Variants in YJU2B observed in about 807,000 individuals in gnomAD.
YJU2B encodes the protein YJU2 splicing factor homolog B.
YJU2B carries 18 observed loss-of-function variants against 38.0 expected under a neutral mutation model. The ratio of observed to expected loss-of-function variants is 0.47; its 90% CI spans 0.33 to 0.70. The LOEUF is 0.70. Among genes scored for constraint, YJU2B ranks in the 30% least tolerant of loss-of-function variants. The probability of loss-of-function intolerance (pLI) is 0.02; values close to 1 mark genes in which losing one functional copy is unlikely to be tolerated. For missense variants in YJU2B, 538 were observed against 556.3 expected, an observed-to-expected ratio of 0.97 and a Z score of 0.33; for synonymous variants, 246 against 225.4, an observed-to-expected ratio of 1.09 and a Z score of -0.82.
chr19:13,762,633 C>A lies in YJU2B; in HGVS notation c.756C>A (p.Ser252Arg). 6.5e-7 allele frequency: 1 copy of A among 1,538,386 alleles called. No homozygotes were observed. Among genetic ancestry groups the A allele is most frequent in the Non-Finnish European group, 8.7e-7 (1 of 1,150,936 alleles). ...AACTCAAGCGGACCGAGATCATCAG[C>A]CGCTCCTGGTTCCCCTCTGCCCCCG... ...KQKLKRTEII[S>R]RSWFPSAPGS... The change falls in exon 10 of 10, where the codon AGC becomes AGA. Residue 252 changes from serine (S) to arginine (R), a missense_variant. Ser to Arg is a moderately radical substitution (Grantham distance 110, BLOSUM62 -1). Coordinates refer to ENST00000221554, the MANE Select transcript of YJU2B (RefSeq NM_030818.4).
intron 8 of YJU2B, among the ~76,000 whole-genome samples, chr19:13,760,924 G>C (rs184404491): frequency 1.3e-4 from 20 of 152,174 alleles, no homozygotes; most frequent in Non-Finnish European, 1.9e-4. Flanking sequence ...TCCCACCACT[G>C]TGCATGGCTA....
chr19:13,732,587 A>G (rs1205929469), intron 2 of YJU2B: 1 of 150,790 alleles, frequency 6.6e-6, no homozygotes, highest in Non-Finnish European at 1.5e-5. Context: ...CTTAAAAAAA[A>G]AAAAAAAGTG....
chr19:13,745,738 T>G (rs1382824018), upstream of YJU2B, among the ~76,000 whole-genome samples: 63 of 94,518 alleles, frequency 6.7e-4, no homozygotes, highest in African/African-American at 2.4e-3. Flanking sequence ...TATATATATA[T>G]ATATAGATAT....
At position 13,755,960 on chromosome 19, in the gene YJU2B, A is replaced by G. The variant is rs544618945; in HGVS notation, c.58-237A>G. ...GCAACAAGAGCAAAACTCCATCTCA[A>G]AAAATAAATAAATAAATAAGAGAGG... On this transcript the variant is annotated intron_variant, in intron 3 of 9. Coordinates refer to ENST00000221554, the MANE Select transcript of YJU2B (RefSeq NM_030818.4). Among the ~76,000 whole-genome samples the G allele has an allele frequency of 3.9e-5, 6 of 152,282 alleles. No individual in the cohort carries two copies. In the East Asian group the frequency reaches 1.2e-3, roughly 29 times the overall value.
At position 13,751,753 on chromosome 19, in the gene YJU2B, A is replaced by G. The variant is rs927721730; in HGVS notation, c.-56A>G. ...GGTCAGGACAGTGCAGTGTGTTCAC[A>G]AGGCCAGTTTCTGATCGTCCGCCCC... On this transcript the variant is annotated 5_prime_UTR_variant, in exon 2 of 10. Coordinates refer to ENST00000221554, the MANE Select transcript of YJU2B (RefSeq NM_030818.4). 1.9e-6 allele frequency: 3 copies of G among 1,608,936 alleles called. No homozygotes were observed. The highest frequency in any genetic ancestry group is 8.5e-7 in the Non-Finnish European group (1 of 1,175,386).
intron 2 of YJU2B, among the ~76,000 whole-genome samples, chr19:13,740,562 G>A (rs1417821014): frequency 6.6e-6 from 1 of 151,884 alleles, no homozygotes; most frequent in Non-Finnish European, 1.5e-5. Flanking sequence ...TTATGTGATG[G>A]AGTCTCGCTC....
intron 2 of YJU2B, among the ~76,000 whole-genome samples, 179 bp from the exon 3 acceptor site, chr19:13,754,107 GGTT>G (rs1256351385): frequency 6.6e-6 from 1 of 152,166 alleles, no homozygotes; most frequent in Non-Finnish European, 1.5e-5. Flanking sequence ...GGGAAACGGA[GGTT>G]ACAGTGAGTC....
At chr19:13,747,758 G>A (rs1361397030), upstream of YJU2B, 1 of 152,384 alleles carries the variant, frequency 6.6e-6, no homozygotes, top group Non-Finnish European at 1.5e-5. Flanking sequence ...GCGCGGTTGG[G>A]CGGGGCATTC....
chr19:13,741,151 C>CT (rs71170552), intron 2 of YJU2B, among the ~76,000 whole-genome samples: 1,514 of 100,784 alleles, frequency 0.015, 13 homozygotes, highest in Non-Finnish European at 0.018. Context: ...TTATAGATTT[C>CT]TTTTTTTTTT....
In YJU2B at chr19:13,742,294, C is replaced by CTTT. The variant is rs552865402; in HGVS notation, c.-201-9288_-201-9286dup. Among the ~76,000 whole-genome samples, 85 of 111,976 alleles carry CTTT rather than the reference C, an allele frequency of 7.6e-4. 5 individuals carry two copies. The highest frequency in any genetic ancestry group is 2.9e-3 in the African/African-American group (79 of 27,642). The allele number at this position is 111,976 out of a possible 152,430, so 73.5% of individuals were successfully genotyped here. On this transcript the variant is annotated intron_variant, in intron 2 of 10. Coordinates refer to the YJU2B transcript ENST00000586600. ...CCATCTGGTCCTTCTTTGAGTCCCACTTTTTTTTTTTTTTTTTTTTTTTTT... is the reference window on the plus strand; with the variant it reads ...CCATCTGGTCCTTCTTTGAGTCCCACTTTTTTTTTTTTTTTTTTTTTTTTTTTT...
At position 13,754,421 on chromosome 19, in the gene YJU2B, C is replaced by T. The variant is rs73922726; in HGVS notation, c.57+79C>T. On this transcript the variant is annotated intron_variant, in intron 3 of 9. Transcript: ENST00000221554. Reference sequence around the variant, plus strand: ...CCTCTTGGGGTTAGAGCCACTGCTGCGGAAGGATGGGTGGCCCCCAAGGTC... The same window carrying T: ...CCTCTTGGGGTTAGAGCCACTGCTGTGGAAGGATGGGTGGCCCCCAAGGTC... 0.018 allele frequency: 21,891 copies of T among 1,194,806 alleles called. 2,851 individuals carry two copies. In the African/African-American group the frequency reaches 0.29, roughly 16 times the overall value. 74.0% of individuals were successfully genotyped at this position (1,194,806 alleles called of 1,614,324 possible). A position where few individuals can be genotyped will look rare whatever the true frequency, so the allele number is the denominator to read the frequency against.
intron 2 of YJU2B, among the ~76,000 whole-genome samples, chr19:13,735,397 G>C (rs1676368036): frequency 6.6e-6 from 1 of 152,098 alleles, no homozygotes; most frequent in Non-Finnish European, 1.5e-5. Flanking sequence ...CCCTGGACTT[G>C]TTTTCCCCTC....
At chr19:13,742,021 ACTC>A (rs771584590) in intron 2 of YJU2B, among the ~76,000 whole-genome samples, 2 of 152,158 alleles carry the variant, frequency 1.3e-5, no homozygotes, top group Admixed American at 6.6e-5. Context: ...GACTTCATCT[ACTC>A]CTCTCTGTGC....
intron 6 of YJU2B, 57 bp from the exon 7 acceptor site, chr19:13,758,811 G>C: frequency 6.3e-7 from 1 of 1,593,018 alleles, no homozygotes; most frequent in Non-Finnish European, 8.6e-7. Flanking sequence ...AGAGGCGACA[G>C]GGCTGTCCTG....
rs750128316 is a variant in YJU2B, at chr19:13,763,228, T to C, written c.*160T>C. 30 of 588,292 alleles carry C rather than the reference T, an allele frequency of 5.1e-5. No homozygotes were observed. The highest frequency in any genetic ancestry group is 7.6e-5 in the Non-Finnish European group (26 of 340,084). The allele number at this position is 588,292 out of a possible 1,614,324, so 36.4% of individuals were successfully genotyped here. On this transcript the variant is annotated 3_prime_UTR_variant, in exon 10 of 10. Coordinates refer to ENST00000221554, the MANE Select transcript of YJU2B (RefSeq NM_030818.4). ...CTTCCTGCAACCGTGGAGTTATTTA[T>C]TTGGTCCTGGTGAGGGTGTTTGTGC...
intron 8 of YJU2B, chr19:13,759,487 G>C: frequency 1.9e-6 from 1 of 516,744 alleles, no homozygotes; most frequent in Non-Finnish European, 3.4e-6. Flanking sequence ...AATTTGGCTG[G>C]GCACAGTGAC....
chr19:13,757,339 G>A (rs945942912), intron 4 of YJU2B, 79 bp from the exon 5 acceptor site: 33 of 1,218,130 alleles, frequency 2.7e-5, no homozygotes, highest in South Asian at 1.2e-4. Flanking sequence ...AATCACAACC[G>A]CGGCCAGAGT....
At chr19:13,750,333 TCTC>T (rs1973408776) in intron 1 of YJU2B, among the ~76,000 whole-genome samples, 1 of 151,958 alleles carries the variant, frequency 6.6e-6, no homozygotes, top group South Asian at 2.1e-4. Context: ...TTTGAGCCAT[TCTC>T]CTGCCTCAGT....
chr19:13,741,151 C>CTTTTTT (rs71170552), intron 2 of YJU2B, among the ~76,000 whole-genome samples: 4 of 100,840 alleles, frequency 4.0e-5, no homozygotes, highest in Non-Finnish European at 5.9e-5. Flanking sequence ...TTATAGATTT[C>CTTTTTT]TTTTTTTTTT....
Sources: allele counts gnomAD v4.1 joint callset (sites outside exome capture counted in the v4.1 genomes callset), GRCh38; gene constraint gnomAD v4.1.1; transcripts MANE v1.5; gene names NCBI Gene and HGNC (gene_info 2026-07-23, HGNC 2026-07-21).